Variants in CEP112 observed in about 807,000 individuals in gnomAD.
CEP112 encodes the protein centrosomal protein 112, also known as centrosomal protein of 112 kDa.
Under a neutral mutation model 153.0 loss-of-function variants are expected in CEP112, and 127 were observed. The ratio of observed to expected loss-of-function variants is 0.83; its 90% confidence interval spans 0.72 to 0.96. The LOEUF is 0.96. Among genes scored for constraint, CEP112 ranks in the 40% least tolerant of loss-of-function variants. The pLI is 0.00. For synonymous variants in CEP112, 358 were observed against 374.4 expected (o/e 0.96, Z 0.51); for missense variants, 1,089 against 1,101.2 (o/e 0.99, Z 0.16).
At chr17:66,104,054 A>T (rs1303477767) in intron 6 of CEP112, among the ~76,000 whole-genome samples, 1 of 152,170 alleles carries the variant, frequency 6.6e-6, no homozygotes, top group Non-Finnish European at 1.5e-5. Flanking sequence ...AAGGCAGTCT[A>T]GGTCACAAGG....
At chr17:66,189,863 T>G (rs1274785539) in intron 1 of CEP112, among the ~76,000 whole-genome samples, 2 of 150,992 alleles carry the variant, frequency 1.3e-5, no homozygotes, top group African/African-American at 2.4e-5. Context: ...AGACCCTGTC[T>G]CTACAAAAAA....
At chr17:66,082,781 T>G (rs991908231) in intron 8 of CEP112, among the ~76,000 whole-genome samples, 3 of 151,674 alleles carry the variant, frequency 2.0e-5, no homozygotes, top group East Asian at 3.9e-4. Context: ...AAAAAAATTT[T>G]TATATGTGTA....
At chr17:66,175,556 T>C (rs746508704) in intron 3 of CEP112, among the ~76,000 whole-genome samples, 18 of 152,180 alleles carry the variant, frequency 1.2e-4, no homozygotes, top group Non-Finnish European at 2.6e-4. Context: ...CCTATCTCTT[T>C]CTGTAATCAC....
At chr17:65,998,666 TATA>T (rs962374955) in intron 17 of CEP112, among the ~76,000 whole-genome samples, 1 of 151,592 alleles carries the variant, frequency 6.6e-6, no homozygotes, top group African/African-American at 2.4e-5. Flanking sequence ...ATATAGTCGT[TATA>T]ATAATAATAT....
chr17:66,148,830 A>T (rs930414872), intron 4 of CEP112, among the ~76,000 whole-genome samples: 10 of 151,310 alleles, frequency 6.6e-5, no homozygotes, highest in Admixed American at 6.6e-5. Flanking sequence ...TTCATTTTGG[A>T]TGACTTTTTC....
At chr17:66,101,680 ATTATC>A (rs1478951674) in intron 6 of CEP112, among the ~76,000 whole-genome samples, 1 of 152,056 alleles carries the variant, frequency 6.6e-6, no homozygotes, top group East Asian at 1.9e-4. Flanking sequence ...CTAATTGATA[ATTATC>A]TTATATTTTG....
At chr17:65,826,101 C>A (rs1181720427) in intron 21 of CEP112, 1 of 1,591,564 alleles carries the variant, frequency 6.3e-7, no homozygotes, top group South Asian at 1.1e-5. Context: ...TCAGCAAGAT[C>A]CCTATGTCAG....
At chr17:66,042,739 G>A (rs994302403) in intron 12 of CEP112, among the ~76,000 whole-genome samples, 2 of 152,116 alleles carry the variant, frequency 1.3e-5, no homozygotes, top group Non-Finnish European at 2.9e-5. Context: ...TGTGAAAAGT[G>A]TACCAAGATA....
intron 5 of CEP112, among the ~76,000 whole-genome samples, 180 bp downstream of exon 5, chr17:66,132,490 G>A (rs979188608): frequency 6.6e-6 from 1 of 152,138 alleles, no homozygotes; most frequent in Admixed American, 6.5e-5. Context: ...GGAAGTAGAA[G>A]GGATACTACA....
chr17:65,849,971 T>C lies in CEP112; in HGVS notation c.2394+1833A>G, dbSNP rs182184910. 3.3e-5 allele frequency among the ~76,000 whole-genome samples: 5 copies of C among 152,070 alleles called. No homozygotes were observed. In the East Asian group the frequency reaches 7.8e-4, roughly 24 times the overall value. Reference sequence around the variant, plus strand: ...GAGTTTGAGACCATCCTGGCCAACATGGTAAAACCCCATCTCTACTAAAAA... The same window carrying C: ...GAGTTTGAGACCATCCTGGCCAACACGGTAAAACCCCATCTCTACTAAAAA... On this transcript the variant is annotated intron_variant, in intron 21 of 26. Coordinates refer to ENST00000535342, the MANE Select transcript of CEP112 (RefSeq NM_001199165.4).
At chr17:66,164,296 G>A (rs113022339) in intron 4 of CEP112, among the ~76,000 whole-genome samples, 80 of 152,298 alleles carry the variant, frequency 5.3e-4, no homozygotes, top group Non-Finnish European at 1.1e-3. Context: ...AGTGGCTCAC[G>A]CCTGTAATCC....
intron 8 of CEP112, among the ~76,000 whole-genome samples, chr17:66,071,357 C>T (rs1272972074): frequency 6.6e-6 from 1 of 152,030 alleles, no homozygotes; most frequent in Non-Finnish European, 1.5e-5. Flanking sequence ...GGAGGCTAGA[C>T]AATCTAATTC....
intron 24 of CEP112, among the ~76,000 whole-genome samples, chr17:65,650,313 GC>G (rs1340543038): frequency 6.6e-6 from 1 of 152,088 alleles, no homozygotes; most frequent in East Asian, 1.9e-4. Flanking sequence ...CTGTGTTGGG[GC>G]CAACTGACTC....
chr17:65,712,747 G>C (rs2049267301), intron 23 of CEP112, among the ~76,000 whole-genome samples: 1 of 152,098 alleles, frequency 6.6e-6, no homozygotes, highest in Non-Finnish European at 1.5e-5. Flanking sequence ...GAACTGTCTG[G>C]GTCCTGCTCT....
At chr17:66,119,293 C>T (rs903148148) in intron 6 of CEP112, among the ~76,000 whole-genome samples, 6 of 152,200 alleles carry the variant, frequency 3.9e-5, no homozygotes, top group East Asian at 1.9e-4. Context: ...TCATGGCACA[C>T]GTATATAACA....
chr17:66,172,113 C>A (rs2072268208), intron 4 of CEP112, among the ~76,000 whole-genome samples: 1 of 152,198 alleles, frequency 6.6e-6, no homozygotes, highest in African/African-American at 2.4e-5. Flanking sequence ...GTGTCTAACA[C>A]AATCTACTTG....
At chr17:65,901,722 A>C (rs1037640065) in intron 20 of CEP112, among the ~76,000 whole-genome samples, 19 of 152,186 alleles carry the variant, frequency 1.2e-4, no homozygotes, top group African/African-American at 4.3e-4. Flanking sequence ...AAACAGCAAC[A>C]CTAGGAAGGA....
chr17:65,943,902 T>C (rs1227396860), intron 18 of CEP112, among the ~76,000 whole-genome samples: 1 of 152,184 alleles, frequency 6.6e-6, no homozygotes, highest in African/African-American at 2.4e-5. Context: ...AGAGGTGTTG[T>C]TCATTTATTT....
In CEP112 at chr17:65,998,313, G is replaced by C. The variant is rs1415566951; in HGVS notation, c.1736+7377C>G. Among the ~76,000 whole-genome samples the C allele has an allele frequency of 2.1e-5, 3 of 139,596 alleles. No homozygotes were observed. The East Asian group carries it at 6.2e-4, about 29-fold the overall frequency. 91.6% of individuals were successfully genotyped at this position (139,596 alleles called of 152,430 possible). On this transcript the variant is annotated intron_variant, in intron 17 of 26. Transcript: ENST00000535342. ...TGGGAGGATCGCTTGAGCTTGGGAG[G>C]TCAAGGTAGCAGTGAGCCGAGATCA... is the stretch of plus-strand genomic sequence containing the variant.
Sources: allele counts gnomAD v4.1 joint callset (sites outside exome capture counted in the v4.1 genomes callset), GRCh38; gene constraint gnomAD v4.1.1; transcripts MANE v1.5; gene names NCBI Gene and HGNC (gene_info 2026-07-23, HGNC 2026-07-21).